Variants in CDKN2B-AS1 observed in about 807,000 individuals in gnomAD.
CDKN2B-AS1 encodes the protein CDKN2B antisense RNA 1 (non-protein coding).
chr9:22,009,916 A>G (rs185716975), intron 1 of CDKN2B-AS1, among the ~76,000 whole-genome samples: 386 of 152,304 alleles, frequency 2.5e-3, no homozygotes, highest in Middle Eastern at 0.01. Context: ...CCATTTTTGC[A>G]TTATGGATAC....
rs941868854 is a variant in CDKN2B-AS1, at chr9:22,126,385, A to AT, written n.439-711dup. On this transcript the variant is annotated intron_variant and non_coding_transcript_variant, in intron 4 of 4. Coordinates refer to ENST00000650946, the Ensembl canonical transcript of CDKN2B-AS1. ...TTATTATATATTCTTTTGTAGGTTT[A>AT]TTTTTTTGTCATGTGTATGTATTCT... 3.3e-5 allele frequency among the ~76,000 whole-genome samples: 5 copies of AT among 152,184 alleles called. No individual in the cohort carries two copies. The South Asian group carries it at 6.2e-4, about 19-fold the overall frequency.
intron 4 of CDKN2B-AS1, chr9:22,062,044 A>C (rs1330785465): frequency 6.6e-6 from 1 of 152,180 alleles, no homozygotes; most frequent in South Asian, 2.1e-4. Flanking sequence ...ATTTTGGAAC[A>C]ATTTTTTAGA....
intron 1 of CDKN2B-AS1, among the ~76,000 whole-genome samples, chr9:22,011,492 T>A (rs1259979166): frequency 6.6e-6 from 1 of 152,236 alleles, no homozygotes; most frequent in Non-Finnish European, 1.5e-5. Context: ...TTTGAGTGAC[T>A]TGTATACTAG....
At chr9:22,037,032 G>C (rs888776088) in intron 1 of CDKN2B-AS1, among the ~76,000 whole-genome samples, 5 of 151,966 alleles carry the variant, frequency 3.3e-5, no homozygotes, top group African/African-American at 1.2e-4. Context: ...ATAATTGTTT[G>C]TGTACATGTC....
chr9:22,124,813 G>A (rs560148090), intron 4 of CDKN2B-AS1, among the ~76,000 whole-genome samples: 1 of 152,232 alleles, frequency 6.6e-6, no homozygotes, highest in South Asian at 2.1e-4. Flanking sequence ...GATAGGGTGA[G>A]GTGTTTTATG....
At chr9:22,096,926 G>A (rs1170656600) in intron 4 of CDKN2B-AS1, among the ~76,000 whole-genome samples, 2 of 152,050 alleles carry the variant, frequency 1.3e-5, no homozygotes, top group East Asian at 3.9e-4. Context: ...TTTGCTTGCT[G>A]GTTCCCAGAG....
intron 1 of CDKN2B-AS1, among the ~76,000 whole-genome samples, chr9:22,022,231 A>G (rs1020204839): frequency 4.0e-5 from 6 of 151,392 alleles, no homozygotes; most frequent in Non-Finnish European, 1.5e-5. Context: ...TGTCTCGGTG[A>G]TCTGTCTAAT....
At chr9:22,082,950 A>G (rs886968913) in intron 4 of CDKN2B-AS1, among the ~76,000 whole-genome samples, 2 of 152,226 alleles carry the variant, frequency 1.3e-5, no homozygotes, top group Middle Eastern at 3.2e-3. Flanking sequence ...GAGAAAGCCA[A>G]TTGGAATCAA....
rs1174226334 is a variant in CDKN2B-AS1 at position 22,024,793 on chromosome 9, A to G, written n.30-21958A>G. Among the ~76,000 whole-genome samples, 4 of 152,252 alleles carry G rather than the reference A, an allele frequency of 2.6e-5. No individual in the cohort carries two copies. The South Asian group carries it at 6.2e-4, about 24-fold the overall frequency. On this transcript the variant is annotated intron_variant and non_coding_transcript_variant, in intron 1 of 4. Coordinates refer to ENST00000650946, the Ensembl canonical transcript of CDKN2B-AS1. The stretch of plus-strand genomic sequence containing the variant: ...GCTCAGGGGAAGTTGCAGTATGGGT[A>G]GCGAACACCCGGCTGGTGTGCGCAG...
chr9:22,120,187 T>A (rs1160780587), intron 4 of CDKN2B-AS1: 1 of 152,254 alleles, frequency 6.6e-6, no homozygotes, highest in Admixed American at 6.5e-5. Flanking sequence ...TTTCCTTGTC[T>A]CGTTCTTCCC....
At chr9:22,024,966 T>G (rs647188) in intron 1 of CDKN2B-AS1, among the ~76,000 whole-genome samples, 10,164 of 152,252 alleles carry the variant, frequency 0.067, 461 homozygotes, top group Non-Finnish European at 0.1. Context: ...CTGACTGATG[T>G]ACAAGACCAC....
At chr9:22,115,423 A>G (rs903851949) in intron 4 of CDKN2B-AS1, among the ~76,000 whole-genome samples, 6 of 152,174 alleles carry the variant, frequency 3.9e-5, no homozygotes, top group Admixed American at 3.9e-4. Context: ...CTCCCCTCTC[A>G]GAAGCGAGGG....
intron 4 of CDKN2B-AS1, among the ~76,000 whole-genome samples, chr9:22,102,760 G>T (rs551842632): frequency 2.0e-5 from 3 of 152,234 alleles, no homozygotes; most frequent in African/African-American, 4.8e-5. Context: ...CTAAGTGAGG[G>T]CATGGTGCAG....
intron 4 of CDKN2B-AS1, among the ~76,000 whole-genome samples, chr9:22,075,542 G>A (rs1279489596): frequency 1.3e-5 from 2 of 152,330 alleles, no homozygotes; most frequent in African/African-American, 4.8e-5. Context: ...TGCCAAGTTT[G>A]TTTCTTAAAA....
intron 4 of CDKN2B-AS1, among the ~76,000 whole-genome samples, chr9:22,101,815 T>G (rs1286402100): frequency 6.6e-6 from 1 of 152,108 alleles, no homozygotes; most frequent in East Asian, 1.9e-4. Flanking sequence ...CAACAAAATA[T>G]TTATCTCTGA....
chr9:22,016,373 C>T (rs1193817860), intron 1 of CDKN2B-AS1, among the ~76,000 whole-genome samples: 1 of 152,110 alleles, frequency 6.6e-6, no homozygotes, highest in Admixed American at 6.5e-5. Flanking sequence ...CCATACTGCC[C>T]AAGGTAATTT....
intron 3 of CDKN2B-AS1, among the ~76,000 whole-genome samples, chr9:22,054,424 A>C (rs1823473338): frequency 6.6e-6 from 1 of 152,182 alleles, no homozygotes; most frequent in South Asian, 2.1e-4. Flanking sequence ...GGCCACAAAC[A>C]ATTTCTTAGG....
chr9:22,090,030 A>C (rs973312698), intron 4 of CDKN2B-AS1, among the ~76,000 whole-genome samples: 16 of 125,166 alleles, frequency 1.3e-4, no homozygotes, highest in African/African-American at 5.0e-4. Flanking sequence ...TCCTGTGTCC[A>C]TTTGTTCTCA....
At position 22,006,160 on chromosome 9, in the gene CDKN2B-AS1, G is replaced by C; in HGVS notation, n.29+10999G>C. 2 of 1,611,626 alleles carry C rather than the reference G, an allele frequency of 1.2e-6. No homozygotes were observed. Among genetic ancestry groups the C allele is most frequent in the Non-Finnish European group, 1.7e-6 (2 of 1,179,884 alleles). The stretch of plus-strand genomic sequence containing the variant: ...TCCCGGGCAGCATCATGCACCGGTC[G>C]GGTGAGAGTGGCAGGGTCTGCGCAG... On this transcript the variant is annotated intron_variant and non_coding_transcript_variant, in intron 1 of 4. Transcript: ENST00000650946. The surrounding 1 kb of genome is among the most constrained non-coding windows in gnomAD (Gnocchi z 6.4).
Sources: gnomAD v4.1 joint callset for allele counts (sites outside exome capture counted in the v4.1 genomes callset) on GRCh38, gnomAD v4.1.1 for gene constraint, Gnocchi (gnomAD v3.1) non-coding constraint, MANE v1.5 for transcripts, NCBI Gene and HGNC (gene_info 2026-07-23, HGNC 2026-07-21) for gene names.